The following FGD3 variants were observed in gnomAD, a reference collection of about 807,000 sequenced individuals.
The protein encoded by FGD3 is FYVE, RhoGEF and PH domain-containing protein 3.
In FGD3, 45 loss-of-function variants were observed where a neutral mutation model predicts 71.8. The observed-to-expected ratio is 0.63, with a 90% confidence interval of 0.49 to 0.80. The LOEUF (loss-of-function observed/expected upper bound fraction) is 0.80. Ranked by LOEUF, FGD3 falls within the 30% of genes least tolerant of loss-of-function variation. The pLI is 0.00. For synonymous variants in FGD3, 378 were observed against 392.8 expected (o/e 0.96, Z 0.44); for missense variants, 844 against 951.5 (o/e 0.89, Z 1.49).
In FGD3 at chr9:92,976,325, G is replaced by C; in HGVS notation, c.69G>C (p.Gly23=). ...PIAALGMPDT[G]PGSSSLGKLQ... is the part of the protein sequence containing the mutation. ...CTGCCCTAGGGATGCCAGACACTGG[G>C]CCTGGCAGTTCCTCCCTAGGGAAGC... Residue 23 remains glycine, a synonymous_variant, in exon 3 of 18, where the codon GGG becomes GGC. Coordinates refer to ENST00000375482, the MANE Select transcript of FGD3 (RefSeq NM_001083536.2). The C allele has an allele frequency of 6.2e-7, 1 of 1,610,596 alleles. No homozygotes were observed. The highest frequency in any genetic ancestry group is 8.5e-7 in the Non-Finnish European group (1 of 1,178,892).
intron 14 of FGD3, among the ~76,000 whole-genome samples, chr9:93,023,795 C>CGTTTT: frequency 9.3e-6 from 1 of 107,688 alleles, no homozygotes; most frequent in South Asian, 3.0e-4. Flanking sequence ...CCATCAGCAA[C>CGTTTT]TTTTTTTTTT....
chr9:92,948,242 G>A (rs1490530440), intron 1 of FGD3, among the ~76,000 whole-genome samples: 1 of 152,064 alleles, frequency 6.6e-6, no homozygotes, highest in Non-Finnish European at 1.5e-5. Flanking sequence ...TTTTCTTTTT[G>A]TTACCTTATT....
chr9:93,033,302 C>A (rs1862432619), intron 16 of FGD3: 1 of 172,620 alleles, frequency 5.8e-6, no homozygotes, highest in African/African-American at 5.9e-5. Flanking sequence ...TCCCCGTCCC[C>A]TTCTCCTCCT....
At chr9:92,974,971 G>A (rs1227097277) in intron 1 of FGD3, among the ~76,000 whole-genome samples, 1 of 152,220 alleles carries the variant, frequency 6.6e-6, no homozygotes, top group Non-Finnish European at 1.5e-5. Context: ...CTCAGCCCTG[G>A]CCCCAGAGTT....
intron 3 of FGD3, 88 bp downstream of exon 3, chr9:92,976,797 C>T (rs1859779450): frequency 1.5e-6 from 2 of 1,347,866 alleles, no homozygotes; most frequent in African/African-American, 2.9e-5. Context: ...CATCCCACAC[C>T]TTGTTTCCAG....
chr9:93,007,923 G>A (rs1447133735), intron 6 of FGD3, among the ~76,000 whole-genome samples: 6 of 152,176 alleles, frequency 3.9e-5, no homozygotes, highest in Admixed American at 1.3e-4. Context: ...TCTCCAACCC[G>A]AAGGTCCATA....
At chr9:93,018,364 G>A (rs935750276) in intron 11 of FGD3, 149 bp downstream of exon 11, 24 of 702,952 alleles carry the variant, frequency 3.4e-5, no homozygotes, top group East Asian at 2.8e-4. Flanking sequence ...TATGTCCTGC[G>A]CTTGCTGCAC....
Position 93,034,527 on chromosome 9 carries a change from C to T in FGD3, c.1786-14C>T. The T allele has an allele frequency of 6.2e-7, 1 of 1,604,720 alleles. No individual in the cohort carries two copies. The highest frequency in any genetic ancestry group is 8.5e-7 in the Non-Finnish European group (1 of 1,174,376). On this transcript the variant is annotated splice_polypyrimidine_tract_variant and intron_variant, in intron 16 of 17. Coordinates refer to ENST00000375482, the MANE Select transcript of FGD3 (RefSeq NM_001083536.2). ...AGGGGAGACTGCCCCTAACCTGTGT[C>T]TTTGTGTCCCCAGAAGACACCCACT...
intron 7 of FGD3, among the ~76,000 whole-genome samples, chr9:93,010,920 G>A (rs151005613): frequency 5.3e-5 from 8 of 152,220 alleles, no homozygotes; most frequent in Non-Finnish European, 1.0e-4. Flanking sequence ...GGTGGGGGCT[G>A]CTCCTGGTCC....
chr9:92,961,812 G>A (rs553341372), intron 1 of FGD3, among the ~76,000 whole-genome samples: 6 of 152,148 alleles, frequency 3.9e-5, no homozygotes, highest in East Asian at 1.9e-4. Context: ...GTTCCTCTCC[G>A]CATGGGCCTC....
chr9:93,013,786 C>T lies in FGD3; in HGVS notation c.1036-66C>T, dbSNP rs908854327. The stretch of plus-strand genomic sequence containing the variant: ...GGGCCACGGTTGCAGGGAAGGACTC[C>T]GTGCATCTCTAGGTCACCAGCCACT... On this transcript the variant is annotated intron_variant, in intron 8 of 17. Transcript: ENST00000375482. 3.4e-5 allele frequency: 55 copies of T among 1,595,524 alleles called. No homozygotes were observed. The African/African-American group carries it at 5.0e-4, about 15-fold the overall frequency.
At chr9:92,973,231 C>T (rs1329318209) in intron 1 of FGD3, among the ~76,000 whole-genome samples, 1 of 151,302 alleles carries the variant, frequency 6.6e-6, no homozygotes, top group Non-Finnish European at 1.5e-5. Context: ...TCTCCTGCCT[C>T]AGCCTCCTAA....
intron 3 of FGD3, among the ~76,000 whole-genome samples, chr9:92,987,884 A>T (rs1564151654): frequency 6.6e-6 from 1 of 152,188 alleles, no homozygotes. Context: ...GAGTCCATTT[A>T]TCCAACTCTT....
At chr9:93,020,535 C>T (rs1272198068) in intron 13 of FGD3, 111 bp downstream of exon 13, 3 of 821,598 alleles carry the variant, frequency 3.7e-6, no homozygotes, top group Non-Finnish European at 4.1e-6. Context: ...TTTCCTCCTG[C>T]TACACCAGGG....
intron 14 of FGD3, among the ~76,000 whole-genome samples, chr9:93,027,715 C>CTTTTTTTTTTTTTTTTTT (rs1199094054): frequency 1.7e-4 from 17 of 101,996 alleles, no homozygotes; most frequent in East Asian, 3.0e-4. Flanking sequence ...TTCTTTCTTT[C>CTTTTTTTTTTTTTTTTTT]TTTTTTTTTT....
intron 3 of FGD3, among the ~76,000 whole-genome samples, chr9:92,988,055 C>T (rs914579768): frequency 7.2e-5 from 11 of 152,150 alleles, no homozygotes; most frequent in South Asian, 2.1e-4. Context: ...AGCTAAAATC[C>T]GGGTTCTTGT....
chr9:92,954,679 G>A (rs1245371950), intron 1 of FGD3, among the ~76,000 whole-genome samples: 1 of 152,192 alleles, frequency 6.6e-6, no homozygotes, highest in African/African-American at 2.4e-5. Context: ...CTGACTGAGT[G>A]ACCGCACTTT....
chr9:92,961,879 T>G (rs1474469933), intron 1 of FGD3, among the ~76,000 whole-genome samples: 1 of 152,068 alleles, frequency 6.6e-6, no homozygotes, highest in Non-Finnish European at 1.5e-5. Flanking sequence ...CCACAGTGAG[T>G]GATTCAGCAA....
chr9:93,017,365 C>T (rs1861741891), intron 10 of FGD3, among the ~76,000 whole-genome samples: 1 of 152,108 alleles, frequency 6.6e-6, no homozygotes. Flanking sequence ...CAGAGAATTT[C>T]AAGGTAAGAA....
Sources: gnomAD v4.1 joint callset for allele counts (sites outside exome capture counted in the v4.1 genomes callset) on GRCh38, gnomAD v4.1.1 for gene constraint, MANE v1.5 for transcripts, NCBI Gene and HGNC (gene_info 2026-07-23, HGNC 2026-07-21) for gene names.